SMYD3: variants seen among roughly 807,000 people sequenced by gnomAD.
The protein encoded by SMYD3 is SET and MYND domain containing 3, also known as histone-lysine N-methyltransferase SMYD3.
Under a neutral mutation model 57.7 loss-of-function variants are expected in SMYD3, and 36 were observed. The observed-to-expected ratio is 0.62, with a 90% CI of 0.48 to 0.82. The LOEUF is 0.82. SMYD3 is among the 40% of genes least tolerant of loss of function. SMYD3 has a pLI of 0.00. For missense variants in SMYD3, 515 were observed against 538.8 expected (o/e 0.96, Z 0.44); for synonymous variants, 211 against 195.0 (o/e 1.08, Z -0.68).
chr1:246,299,634 T>G (rs1203020209), intron 5 of SMYD3, among the ~76,000 whole-genome samples: 1 of 152,114 alleles, frequency 6.6e-6, no homozygotes, highest in East Asian at 1.9e-4. Flanking sequence ...GTGGTACATA[T>G]GCACTGGGGA....
intron 10 of SMYD3, among the ~76,000 whole-genome samples, chr1:245,804,170 C>T (rs1356748360): frequency 6.6e-6 from 1 of 152,092 alleles, no homozygotes; most frequent in African/African-American, 2.4e-5. Flanking sequence ...CTCGGCCTCC[C>T]AAAGTGTTGG....
intron 3 of SMYD3, among the ~76,000 whole-genome samples, chr1:246,332,419 G>C (rs535880651): frequency 6.6e-6 from 1 of 152,364 alleles, no homozygotes; most frequent in Non-Finnish European, 1.5e-5. Context: ...TTCTGTGAAG[G>C]CTGAGAGAGG....
intron 1 of SMYD3, among the ~76,000 whole-genome samples, chr1:246,421,953 G>C (rs2067150032): frequency 6.6e-6 from 1 of 152,152 alleles, no homozygotes; most frequent in Non-Finnish European, 1.5e-5. Flanking sequence ...ACTGATGAGG[G>C]TGATCTTTAC....
intron 7 of SMYD3, among the ~76,000 whole-genome samples, chr1:245,917,173 A>G (rs563625851): frequency 2.6e-5 from 4 of 152,160 alleles, no homozygotes; most frequent in Non-Finnish European, 5.9e-5. Flanking sequence ...CTGGGGCTAC[A>G]GGCATGTACC....
In SMYD3 at chr1:245,959,124, AAAACAAAC is replaced by A. The variant is rs146754978; in HGVS notation, c.532-29195_532-29188del. Among the ~76,000 whole-genome samples, 641 of 125,474 alleles carry A rather than the reference AAAACAAAC, an allele frequency of 5.1e-3. 6 individuals are homozygous for A. The highest frequency in any genetic ancestry group is 0.016 in the African/African-American group (604 of 38,536). 82.3% of individuals were successfully genotyped at this position (125,474 alleles called of 152,430 possible). The stretch of plus-strand genomic sequence containing the variant: ...TTTAAGGAGAGATGGAGTTTCTCAA[AAAACAAAC>A]AAACAAACAAACAAAAAACAAACAA... On this transcript the variant is annotated intron_variant, in intron 5 of 11. Transcript: ENST00000490107.
At chr1:246,251,011 A>C (rs1188633953) in intron 5 of SMYD3, among the ~76,000 whole-genome samples, 1 of 152,202 alleles carries the variant, frequency 6.6e-6, no homozygotes, top group Non-Finnish European at 1.5e-5. Flanking sequence ...TGGGCTATAT[A>C]AGATGTTTTG....
intron 1 of SMYD3, among the ~76,000 whole-genome samples, chr1:246,363,768 A>T (rs1558425619): frequency 6.6e-6 from 1 of 152,038 alleles, no homozygotes; most frequent in Non-Finnish European, 1.5e-5. Flanking sequence ...TCAAGTACCC[A>T]GGGACACAAA....
intron 8 of SMYD3, among the ~76,000 whole-genome samples, chr1:245,881,595 A>G (rs2052781685): frequency 6.6e-6 from 1 of 152,228 alleles, no homozygotes; most frequent in Non-Finnish European, 1.5e-5. Flanking sequence ...TAGGCACTGT[A>G]TTGGGCACTG....
intron 5 of SMYD3, among the ~76,000 whole-genome samples, chr1:246,042,820 T>C (rs1441252777): frequency 6.6e-6 from 1 of 152,172 alleles, no homozygotes; most frequent in African/African-American, 2.4e-5. Context: ...AGAAACCCTG[T>C]ATTTACCTTC....
chr1:245,903,947 C>G (rs534534915), intron 8 of SMYD3, among the ~76,000 whole-genome samples: 1 of 152,192 alleles, frequency 6.6e-6, no homozygotes, highest in Non-Finnish European at 1.5e-5. Flanking sequence ...ACATTTTCCC[C>G]GCTGTCTTGG....
At chr1:246,429,719 T>A (rs937908948) in intron 1 of SMYD3, among the ~76,000 whole-genome samples, 4 of 152,236 alleles carry the variant, frequency 2.6e-5, no homozygotes, top group African/African-American at 7.2e-5. Flanking sequence ...ATCCACCATA[T>A]GCCAGGCACA....
intron 10 of SMYD3, among the ~76,000 whole-genome samples, chr1:245,834,383 G>T (rs1341546120): frequency 6.6e-6 from 1 of 152,186 alleles, no homozygotes; most frequent in African/African-American, 2.4e-5. Flanking sequence ...AGACAGGCAG[G>T]TAAGCATGCG....
chr1:246,470,299 C>T lies in SMYD3; in HGVS notation c.164+36755G>A, dbSNP rs191011270. On this transcript the variant is annotated intron_variant, in intron 1 of 11. Transcript: ENST00000490107. ...CTGAGGTCAGGAGTTCGAGACTAGC[C>T]TGGTCATCATGGCAAAACCCTGTCT... is the stretch of plus-strand genomic sequence containing the variant. Among the ~76,000 whole-genome samples the T allele has an allele frequency of 2.0e-5, 3 of 151,942 alleles. No individual in the cohort carries two copies. In the East Asian group the frequency reaches 5.8e-4, roughly 30 times the overall value.
chr1:245,871,637 G>T (rs575568083), intron 8 of SMYD3, among the ~76,000 whole-genome samples: 1 of 152,226 alleles, frequency 6.6e-6, no homozygotes, highest in Non-Finnish European at 1.5e-5. Flanking sequence ...GGAGCCATAA[G>T]ATGTGGAACT....
At chr1:246,208,053 A>G (rs900366482) in intron 5 of SMYD3, among the ~76,000 whole-genome samples, 3 of 152,288 alleles carry the variant, frequency 2.0e-5, no homozygotes, top group East Asian at 1.9e-4. Context: ...TAGCAAAGTC[A>G]TATCTGAAGA....
chr1:246,031,215 G>C (rs2059667297), intron 5 of SMYD3, among the ~76,000 whole-genome samples: 2 of 152,052 alleles, frequency 1.3e-5, no homozygotes, highest in Non-Finnish European at 2.9e-5. Context: ...AAGGACCATT[G>C]ATACGATAAT....
intron 10 of SMYD3, among the ~76,000 whole-genome samples, chr1:245,797,200 T>A (rs1340029657): frequency 6.6e-6 from 1 of 152,170 alleles, no homozygotes; most frequent in Non-Finnish European, 1.5e-5. Flanking sequence ...GGAATATCAA[T>A]CATGCTGCTA....
chr1:246,364,813 C>T (rs2066072513), intron 1 of SMYD3, among the ~76,000 whole-genome samples: 1 of 152,182 alleles, frequency 6.6e-6, no homozygotes, highest in South Asian at 2.1e-4. Flanking sequence ...CAATCGGGCC[C>T]TAGAGTTCTT....
At chr1:246,200,354 C>G (rs2062898395) in intron 5 of SMYD3, among the ~76,000 whole-genome samples, 4 of 150,282 alleles carry the variant, frequency 2.7e-5, no homozygotes, top group African/African-American at 4.9e-5. Flanking sequence ...AGAATGTACA[C>G]AAACGTCCAC....
Sources: gnomAD v4.1 joint callset for allele counts (sites outside exome capture counted in the v4.1 genomes callset) on GRCh38, gnomAD v4.1.1 for gene constraint, MANE v1.5 for transcripts, NCBI Gene and HGNC (gene_info 2026-07-23, HGNC 2026-07-21) for gene names.